Variants in PTPRN2 observed in about 807,000 individuals in gnomAD.
PTPRN2 encodes receptor-type tyrosine-protein phosphatase N2.
PTPRN2 carries 74 observed loss-of-function variants against 118.8 expected under a neutral mutation model. The observed-to-expected ratio is 0.62, with a 90% confidence interval of 0.52 to 0.76. The LOEUF is 0.76. Among genes scored for constraint, PTPRN2 ranks in the 30% least tolerant of loss-of-function variants. The pLI is 0.00. For synonymous variants in PTPRN2, 641 were observed against 608.0 expected, an observed-to-expected ratio of 1.05 and a Z score of -0.80; for missense variants, 1,481 against 1,394.4, an observed-to-expected ratio of 1.06 and a Z score of -0.99.
At chr7:158,063,588 C>G (rs1014148482) in intron 11 of PTPRN2, among the ~76,000 whole-genome samples, 3 of 152,232 alleles carry the variant, frequency 2.0e-5, no homozygotes, top group African/African-American at 7.2e-5. Context: ...CTGCTGCTCA[C>G]TCTTTGGGTC....
At chr7:158,146,442 C>A (rs1053103724) in intron 6 of PTPRN2, among the ~76,000 whole-genome samples, 3 of 152,194 alleles carry the variant, frequency 2.0e-5, no homozygotes, top group South Asian at 2.1e-4. Flanking sequence ...AAATAATAGG[C>A]TGGGCTTGGT....
chr7:158,243,248 T>A (rs2150861986), intron 3 of PTPRN2, among the ~76,000 whole-genome samples: 1 of 152,312 alleles, frequency 6.6e-6, no homozygotes. Context: ...CATTTCCATA[T>A]ACCAGACTCA....
At chr7:158,134,820 A>ACCC (rs1347731202) in intron 8 of PTPRN2, among the ~76,000 whole-genome samples, 2 of 152,000 alleles carry the variant, frequency 1.3e-5, no homozygotes, top group African/African-American at 2.4e-5. Flanking sequence ...TACTACTCCA[A>ACCC]CCCCATAAAT....
chr7:158,333,999 C>G lies in PTPRN2; in HGVS notation c.164-17067G>C, dbSNP rs1223672671. 6.3e-3 allele frequency among the ~76,000 whole-genome samples: 74 copies of G among 11,678 alleles called. 21 individuals carry two copies. The highest frequency in any genetic ancestry group is 9.9e-3 in the Non-Finnish European group (42 of 4,248). 7.7% of individuals were successfully genotyped at this position (11,678 alleles called of 152,430 possible). ...CACCATAAGAGCCGACACCCGCAGA[C>G]ATCACTCACACACACACGCGTCACT... On this transcript the variant is annotated intron_variant, in intron 2 of 22. Transcript: ENST00000389418.
At chr7:157,544,468 G>A (rs1379381456) in intron 22 of PTPRN2, among the ~76,000 whole-genome samples, 1 of 152,240 alleles carries the variant, frequency 6.6e-6, no homozygotes, top group Non-Finnish European at 1.5e-5. Context: ...AAACTAAAAT[G>A]CAGATGTGAG....
chr7:158,223,584 T>C (rs1158935870), intron 3 of PTPRN2, among the ~76,000 whole-genome samples: 2 of 152,148 alleles, frequency 1.3e-5, no homozygotes, highest in Non-Finnish European at 2.9e-5. Context: ...CAGCAATCGA[T>C]GCAGAAAAGA....
intron 1 of PTPRN2, among the ~76,000 whole-genome samples, chr7:158,545,112 C>T (rs1408229782): frequency 6.6e-6 from 1 of 152,210 alleles, no homozygotes; most frequent in Non-Finnish European, 1.5e-5. Context: ...TCACTTCCAG[C>T]CTCAACATCC....
At chr7:157,942,165 A>ACG (rs1720739014) in intron 11 of PTPRN2, among the ~76,000 whole-genome samples, 1 of 36,940 alleles carries the variant, frequency 2.7e-5, no homozygotes, top group African/African-American at 4.1e-4. Flanking sequence ...CACCCTCCAC[A>ACG]CACAGGGGTC....
At chr7:157,758,051 C>T (rs979991163) in intron 12 of PTPRN2, among the ~76,000 whole-genome samples, 3 of 152,196 alleles carry the variant, frequency 2.0e-5, no homozygotes, top group Non-Finnish European at 4.4e-5. Context: ...CTTGCCGGTG[C>T]GGGGGACGCG....
chr7:157,957,013 G>A (rs1673888273), intron 11 of PTPRN2, among the ~76,000 whole-genome samples: 2 of 152,220 alleles, frequency 1.3e-5, no homozygotes, highest in South Asian at 4.1e-4. Context: ...AAGGAAAAGG[G>A]AAGGAAAGGT....
At chr7:157,822,805 T>C (rs1806934747) in intron 12 of PTPRN2, among the ~76,000 whole-genome samples, 1 of 151,752 alleles carries the variant, frequency 6.6e-6, no homozygotes, top group Non-Finnish European at 1.5e-5. Context: ...AGCCCATCCA[T>C]CCATCCATCC....
In PTPRN2 at chr7:157,544,387, C is replaced by T. The variant is rs566725656; in HGVS notation, c.2977-3602G>A. ...CTGCTTCTGGGACGGAGGACAACAC[C>T]GGGTACGTCTGAGGAGGAGGCTGAG... On this transcript the variant is annotated intron_variant, in intron 22 of 22. Transcript: ENST00000389418. 1.3e-3 allele frequency among the ~76,000 whole-genome samples: 202 copies of T among 152,240 alleles called. 3 individuals are homozygous for T. The highest frequency in any genetic ancestry group is 3.4e-3 in the Middle Eastern group (1 of 294).
At chr7:157,952,564 C>T (rs1472786939) in intron 11 of PTPRN2, among the ~76,000 whole-genome samples, 1 of 152,038 alleles carries the variant, frequency 6.6e-6, no homozygotes, top group Non-Finnish European at 1.5e-5. Context: ...CAGCCCCTCC[C>T]CTGTGGTGCA....
At chr7:158,179,223 T>C (rs1824486711) in intron 5 of PTPRN2, among the ~76,000 whole-genome samples, 1 of 152,250 alleles carries the variant, frequency 6.6e-6, no homozygotes, top group Admixed American at 6.5e-5. Flanking sequence ...TGGTATCTCA[T>C]TGTGGTTTTA....
chr7:158,481,727 G>T (rs1180949052), intron 2 of PTPRN2, among the ~76,000 whole-genome samples: 3 of 152,234 alleles, frequency 2.0e-5, no homozygotes, highest in Non-Finnish European at 4.4e-5. Flanking sequence ...CTCCCAAAGT[G>T]CTGGGATTAC....
chr7:157,844,417 G>C (rs59098747), intron 12 of PTPRN2, among the ~76,000 whole-genome samples: 5,919 of 152,300 alleles, frequency 0.039, 401 homozygotes, highest in African/African-American at 0.13. Flanking sequence ...GAGGACAGTG[G>C]GGAGAAGAAA....
chr7:157,819,617 C>T (rs1449543502), intron 12 of PTPRN2, among the ~76,000 whole-genome samples: 1 of 151,558 alleles, frequency 6.6e-6, no homozygotes, highest in Admixed American at 6.6e-5. Context: ...GTACACCAAG[C>T]GGCCACGGCA....
chr7:157,816,041 C>G (rs1166070130), intron 12 of PTPRN2, among the ~76,000 whole-genome samples: 1 of 152,226 alleles, frequency 6.6e-6, no homozygotes, highest in South Asian at 2.1e-4. Context: ...AGATCACGCC[C>G]TCTCGCTGGT....
At chr7:158,422,511 G>A (rs534673466) in intron 2 of PTPRN2, among the ~76,000 whole-genome samples, 1 of 152,314 alleles carries the variant, frequency 6.6e-6, no homozygotes, top group East Asian at 1.9e-4. Context: ...TAAAATAAAA[G>A]GAAGATAGAA....
Sources: gnomAD v4.1 joint callset for allele counts (sites outside exome capture counted in the v4.1 genomes callset) on GRCh38, gnomAD v4.1.1 for gene constraint, MANE v1.5 for transcripts, NCBI Gene and HGNC (gene_info 2026-07-23, HGNC 2026-07-21) for gene names.